Variants in EEF1D observed in about 807,000 individuals in gnomAD.
The protein encoded by EEF1D is eukaryotic translation elongation factor 1 delta.
In EEF1D, 47 loss-of-function variants were observed where a neutral mutation model predicts 63.9. The ratio of observed to expected loss-of-function variants is 0.74; its 90% CI spans 0.58 to 0.94. The LOEUF (loss-of-function observed/expected upper bound fraction) is 0.94. Among genes scored for constraint, EEF1D ranks in the 40% least tolerant of loss-of-function variants. The pLI is 0.00. For synonymous variants in EEF1D, 412 were observed against 386.1 expected (o/e 1.07, Z -0.79); for missense variants, 907 against 899.0 (o/e 1.01, Z -0.11).
chr8:143,580,812 C>T, intron 7 of EEF1D, 85 bp from the exon 8 acceptor site: 2 of 1,484,090 alleles, frequency 1.3e-6, no homozygotes, highest in Admixed American at 1.7e-5. Context: ...GGCCCTCCTC[C>T]CTCCTTTGAC....
At chr8:143,587,532 T>G (rs1161260385) in intron 3 of EEF1D, 3 of 152,296 alleles carry the variant, frequency 2.0e-5, no homozygotes, top group African/African-American at 7.2e-5. Flanking sequence ...TTTCACCATG[T>G]TGGCCAGGCT....
In EEF1D at chr8:143,589,091, C is replaced by T. The variant is rs777926327; in HGVS notation, c.991G>A (p.Ala331Thr). Residue 331 changes from alanine (A) to threonine (T), a missense_variant, in exon 3 of 10, where the codon GCT becomes ACT. Ala to Thr is a moderately conservative substitution (Grantham distance 58, BLOSUM62 0). Coordinates refer to ENST00000618139, the MANE Select transcript of EEF1D (RefSeq NM_001130053.5). ...AYDSAECRHH[A>T]AEALRVAWCL... ...CAGGCCACCCGCAGGGCCTCGGCAG[C>T]GTGGTGGCGGCACTCGGCGCTGTCG... 29 of 1,609,648 alleles carry T rather than the reference C, an allele frequency of 1.8e-5. No homozygotes were observed. Among genetic ancestry groups the T allele is most frequent in the South Asian group, 1.2e-4 (11 of 90,730 alleles).
rs1414900592 is a variant in EEF1D at position 143,580,067 on chromosome 8, T to C, written c.1850A>G (p.Asp617Gly). Reference protein sequence around the residue: ...RKLQIQCVVEDDKVGTDLLEE... With the variant: ...RKLQIQCVVEGDKVGTDLLEE... ...CAGCAAGTCTGTCCCCACCTTGTCG[T>C]CCTCCACCACACACTGAATCTGTAG... The change falls in exon 9 of 10, where the codon GAC becomes GGC. Residue 617 changes from aspartate (D) to glycine (G), a missense_variant. By Grantham distance (94) the Asp-to-Gly change is moderately conservative. Transcript: ENST00000618139. 32 of 1,613,844 alleles carry C rather than the reference T, an allele frequency of 2.0e-5. No individual in the cohort carries two copies. Among genetic ancestry groups the C allele is most frequent in the Non-Finnish European group, 2.6e-5 (31 of 1,180,000 alleles).
intron 1 of EEF1D, chr8:143,593,874 C>G: frequency 1.0e-6 from 1 of 985,456 alleles, no homozygotes; most frequent in Non-Finnish European, 1.2e-6. Flanking sequence ...CATGGGAGGA[C>G]CTGCCGGACG....
rs1375845453 is a variant in EEF1D at position 143,580,402 on chromosome 8, G to A, written c.1710+104C>T. ...CAAGACTTCTAAACTCGGCTTTAAA[G>A]TCTCCCCAGAACCCAGAGGGCAGGG... On this transcript the variant is annotated intron_variant, in intron 8 of 9. Coordinates refer to ENST00000618139, the MANE Select transcript of EEF1D (RefSeq NM_001130053.5). 5.0e-6 allele frequency: 7 copies of A among 1,404,824 alleles called. No homozygotes were observed. The East Asian group carries it at 1.4e-4, about 28-fold the overall frequency. 87.0% of individuals were successfully genotyped at this position (1,404,824 alleles called of 1,614,324 possible).
At position 143,590,056 on chromosome 8, in the gene EEF1D, G is replaced by A; in HGVS notation, c.26C>T (p.Thr9Ile). Reference protein sequence around the residue: MRSGKASCTLETVWEDKHK... With the variant: MRSGKASCILETVWEDKHK... ...CTTGTCTTCCCACACGGTCTCCAGGGTGCAGGAGGCCTTCCCGCTCCTCAT... is the reference window on the plus strand; with the variant it reads ...CTTGTCTTCCCACACGGTCTCCAGGATGCAGGAGGCCTTCCCGCTCCTCAT... The change falls in exon 3 of 10, where the codon ACC (threonine) becomes ATC (isoleucine). Residue 9 changes from threonine (T) to isoleucine (I), a missense_variant. Coordinates refer to ENST00000618139, the MANE Select transcript of EEF1D (RefSeq NM_001130053.5). 1.9e-6 allele frequency: 3 copies of A among 1,598,780 alleles called. No homozygotes were observed. Among genetic ancestry groups the A allele is most frequent in the Non-Finnish European group, 2.5e-6 (3 of 1,179,870 alleles).
At chr8:143,584,028 G>T (rs1826057304) in intron 5 of EEF1D, 1 of 152,304 alleles carries the variant, frequency 6.6e-6, no homozygotes, top group South Asian at 2.1e-4. Flanking sequence ...CCACAGCCTT[G>T]ATTTTGCCCC....
In EEF1D at chr8:143,579,795, G is replaced by T; in HGVS notation, c.1941C>A (p.Ile647=). The T allele has an allele frequency of 6.4e-7, 1 of 1,563,004 alleles. No individual in the cohort carries two copies. Among genetic ancestry groups the T allele is most frequent in the Non-Finnish European group, 8.7e-7 (1 of 1,152,706 alleles). Residue 647 remains isoleucine, a synonymous_variant, in exon 10 of 10, where the codon ATC becomes ATA. Transcript: ENST00000618139. ...QSVDIAAFNK[I] is the part of the protein sequence containing the mutation. Reference sequence around the variant, plus strand: ...CGCACGTACACACACTCAGGCTTCAGATCTTGTTGAAAGCTGCGATATCGA... The same window carrying T: ...CGCACGTACACACACTCAGGCTTCATATCTTGTTGAAAGCTGCGATATCGA...
chr8:143,587,195 A>C (rs2131020163), intron 3 of EEF1D: 2 of 186,420 alleles, frequency 1.1e-5, no homozygotes, highest in East Asian at 1.3e-4. Flanking sequence ...ATTTGCAAAA[A>C]CCTCAAGCAA....
At chr8:143,595,588 C>G (rs1423566190) in intron 1 of EEF1D, among the ~76,000 whole-genome samples, 1 of 152,242 alleles carries the variant, frequency 6.6e-6, no homozygotes, top group Non-Finnish European at 1.5e-5. Flanking sequence ...GATATTCCAG[C>G]CCCACTGGGA....
At chr8:143,592,851 G>A (rs747023019) in intron 1 of EEF1D, 191 bp from the exon 2 acceptor site, 10 of 223,208 alleles carry the variant, frequency 4.5e-5, no homozygotes, top group Non-Finnish European at 7.5e-5. Context: ...CACAATCCCA[G>A]GTGGCAGCTG....
intron 3 of EEF1D, among the ~76,000 whole-genome samples, chr8:143,588,570 C>T (rs939393810): frequency 1.3e-5 from 2 of 152,224 alleles, no homozygotes; most frequent in Admixed American, 6.5e-5. Flanking sequence ...CAGGGACACA[C>T]TGGCTCCCAC....
Position 143,589,263 on chromosome 8 carries a change from C to A in EEF1D, c.819G>T (p.Arg273=). Reference sequence around the variant, plus strand: ...TGCGGCCCCGCCGGTCTCTGCGGCCCCGCCGGGCACCCTCGGCCAGGCCGG... The same window carrying A: ...TGCGGCCCCGCCGGTCTCTGCGGCCACGCCGGGCACCCTCGGCCAGGCCGG... ...ERAGLAEGAR[R]GRRDRRGRNI... Residue 273 remains arginine, a synonymous_variant, in exon 3 of 10, where the codon CGG becomes CGT. Coordinates refer to ENST00000618139, the MANE Select transcript of EEF1D (RefSeq NM_001130053.5). The A allele has an allele frequency of 6.3e-7, 1 of 1,587,222 alleles. No homozygotes were observed. The highest frequency in any genetic ancestry group is 1.1e-5 in the South Asian group (1 of 88,306).
At chr8:143,586,141 A>G (rs1587148207) in intron 5 of EEF1D, 78 bp downstream of exon 5, 1 of 1,400,794 alleles carries the variant, frequency 7.1e-7, no homozygotes, top group Non-Finnish European at 9.9e-7. Context: ...AGCCAAAACA[A>G]CCAGCAGCAT....
At chr8:143,587,136 G>C (rs1041014520) in intron 3 of EEF1D, 2 of 260,956 alleles carry the variant, frequency 7.7e-6, no homozygotes, top group African/African-American at 4.5e-5. Flanking sequence ...GAAGTGCGGA[G>C]GCAGGTATGA....
Position 143,586,854 on chromosome 8 carries a change from T to G in EEF1D, c.1092-2A>C. ...AGGAAGTTTGTAGCCATTTTTCTGC[T>G]GGGAGGGGAAAGAGGCAAAGTCAGC... On this transcript the variant is annotated splice_acceptor_variant, in intron 3 of 9. Coordinates refer to ENST00000618139, the MANE Select transcript of EEF1D (RefSeq NM_001130053.5). LOFTEE classifies it high-confidence loss of function. 1 of 1,613,582 alleles carries G rather than the reference T, an allele frequency of 6.2e-7. No individual in the cohort carries two copies. Among genetic ancestry groups the G allele is most frequent in the Non-Finnish European group, 8.5e-7 (1 of 1,179,488 alleles).
chr8:143,580,998 G>A (rs1288883354), intron 7 of EEF1D, 56 bp downstream of exon 7: 13 of 1,576,120 alleles, frequency 8.2e-6, no homozygotes, highest in Non-Finnish European at 1.0e-5. Context: ...GGGCGACGTG[G>A]AAGCCAGCAG....
rs145105680 is a variant in EEF1D at position 143,587,407 on chromosome 8, G to C, written c.1092-555C>G. 40 of 152,306 alleles carry C rather than the reference G, an allele frequency of 2.6e-4. No homozygotes were observed. The East Asian group carries it at 5.8e-3, about 22-fold the overall frequency. 9.4% of individuals were successfully genotyped at this position (152,306 alleles called of 1,614,324 possible). A position where few individuals can be genotyped will look rare whatever the true frequency, so the allele number is the denominator to read the frequency against. ...ATCAGCGGCGCGATCTCGGCTCACC[G>C]CAACGTCCGCCTCCTGGGTTCAAGC... is the stretch of plus-strand genomic sequence containing the variant. On this transcript the variant is annotated intron_variant, in intron 3 of 9. Coordinates refer to ENST00000618139, the MANE Select transcript of EEF1D (RefSeq NM_001130053.5).
At chr8:143,586,930 G>A in intron 3 of EEF1D, 78 bp from the exon 4 acceptor site, 5 of 1,576,984 alleles carry the variant, frequency 3.2e-6, no homozygotes, top group Non-Finnish European at 4.3e-6. Flanking sequence ...GCACCAAGGT[G>A]CAGTGGGGCT....
Sources: allele counts gnomAD v4.1 joint callset (sites outside exome capture counted in the v4.1 genomes callset), GRCh38; gene constraint gnomAD v4.1.1; transcripts MANE v1.5; gene names NCBI Gene and HGNC (gene_info 2026-07-23, HGNC 2026-07-21).